The following BIN1 variants were observed in gnomAD, a reference collection of about 807,000 sequenced individuals.
The protein encoded by BIN1 is myc box-dependent-interacting protein 1.
A neutral mutation model predicts 82.0 loss-of-function variants in BIN1; 53 were observed. That is an observed-to-expected ratio of 0.65 (90% CI 0.52 to 0.81). BIN1 has a LOEUF of 0.81. Among genes scored for constraint, BIN1 ranks in the 40% least tolerant of loss-of-function variants. BIN1 has a pLI of 0.00. For synonymous variants in BIN1, 302 were observed against 328.0 expected (o/e 0.92, Z 0.86); for missense variants, 642 against 784.4 (o/e 0.82, Z 2.17).
At chr2:127,099,949 G>A (rs919612198) in intron 1 of BIN1, among the ~76,000 whole-genome samples, 7 of 151,124 alleles carry the variant, frequency 4.6e-5, no homozygotes, top group African/African-American at 1.2e-4. Flanking sequence ...GATTACAAGC[G>A]CCGCCACCAC....
rs141718708 is a variant in BIN1 at position 127,059,292 on chromosome 2, GTA to G, written c.858-139_858-138del. The G allele has an allele frequency of 4.5e-4, 266 of 593,394 alleles. No individual in the cohort carries two copies. Among genetic ancestry groups the G allele is most frequent in the Middle Eastern group, 3.0e-3 (8 of 2,676 alleles). 36.8% of individuals were successfully genotyped at this position (593,394 alleles called of 1,614,324 possible). A position where few individuals can be genotyped will look rare whatever the true frequency, so the allele number is the denominator to read the frequency against. ...AAACTGTGTGTGTGTGTGTGTGTGT[GTA>G]TGTGAGAGAGAGCAGGAGGGTGGGG... On this transcript the variant is annotated intron_variant, in intron 10 of 18. Coordinates refer to ENST00000316724, the MANE Select transcript of BIN1 (RefSeq NM_139343.3). The surrounding 1 kb of genome is among the most constrained non-coding windows in gnomAD (Gnocchi z 6.7).
At chr2:127,104,374 G>A (rs1680750665) in intron 1 of BIN1, among the ~76,000 whole-genome samples, 1 of 152,162 alleles carries the variant, frequency 6.6e-6, no homozygotes, top group Non-Finnish European at 1.5e-5. Flanking sequence ...CCCTACAAGA[G>A]TGCAGGCTGC....
At chr2:127,102,148 G>A (rs1294629895) in intron 1 of BIN1, among the ~76,000 whole-genome samples, 1 of 152,194 alleles carries the variant, frequency 6.6e-6, no homozygotes, top group Non-Finnish European at 1.5e-5. Flanking sequence ...GGGAAACCCA[G>A]AGCCTGTGCA....
chr2:127,055,591 T>A (rs1474563501), intron 12 of BIN1: 1 of 152,296 alleles, frequency 6.6e-6, no homozygotes, highest in Non-Finnish European at 1.5e-5. Context: ...GCGGCCAGCA[T>A]CTCTCCCCAG....
chr2:127,103,022 G>A (rs1051928505), intron 1 of BIN1, among the ~76,000 whole-genome samples: 13 of 152,326 alleles, frequency 8.5e-5, no homozygotes, highest in Admixed American at 4.6e-4. Context: ...TGTGGGTAGA[G>A]GGGGGCATCT....
intron 11 of BIN1, among the ~76,000 whole-genome samples, chr2:127,058,085 C>T (rs1217235412): frequency 2.0e-5 from 3 of 152,190 alleles, no homozygotes; most frequent in African/African-American, 7.2e-5. Context: ...GGGAGCCCAG[C>T]TCAGACGAGT....
At chr2:127,097,337 T>C (rs1032429967) in intron 1 of BIN1, among the ~76,000 whole-genome samples, 3 of 149,110 alleles carry the variant, frequency 2.0e-5, no homozygotes, top group Non-Finnish European at 3.0e-5. Flanking sequence ...CCCAGGAGCG[T>C]CACCCCTCCA....
intron 1 of BIN1, among the ~76,000 whole-genome samples, chr2:127,096,746 G>T (rs1486962564): frequency 6.6e-6 from 1 of 152,196 alleles, no homozygotes; most frequent in African/African-American, 2.4e-5. Context: ...ATGGATAGGA[G>T]GCCAAAGACC....
rs936787513 is a variant in BIN1 at position 127,091,273 on chromosome 2, G to A, written c.85-14567C>T. Among the ~76,000 whole-genome samples, 6 of 151,998 alleles carry A rather than the reference G, an allele frequency of 3.9e-5. No individual in the cohort carries two copies. The East Asian group carries it at 5.8e-4, about 15-fold the overall frequency. On this transcript the variant is annotated intron_variant, in intron 1 of 18. Coordinates refer to ENST00000316724, the MANE Select transcript of BIN1 (RefSeq NM_139343.3). Reference sequence around the variant, plus strand: ...AGGAGGCTGCCCTCACCCCAGCCCCGGGGCATTCTCAGGCCTTCCTCTACC... The same window carrying A: ...AGGAGGCTGCCCTCACCCCAGCCCCAGGGCATTCTCAGGCCTTCCTCTACC...
chr2:127,094,905 G>A (rs1283768662), intron 1 of BIN1, among the ~76,000 whole-genome samples: 2 of 152,140 alleles, frequency 1.3e-5, no homozygotes, highest in African/African-American at 4.8e-5. Flanking sequence ...CCCCTCAATT[G>A]GGGAGGTTGA....
chr2:127,084,893 G>C (rs1168672880), intron 1 of BIN1, among the ~76,000 whole-genome samples: 1 of 152,202 alleles, frequency 6.6e-6, no homozygotes, highest in Admixed American at 6.5e-5. Flanking sequence ...CAGCTTCCTG[G>C]TCTCATCCAG....
At position 127,070,075 on chromosome 2, in the gene BIN1, ACAG is replaced by A; in HGVS notation, c.328_330del (p.Leu110del). 1 of 1,614,008 alleles carries A rather than the reference ACAG, an allele frequency of 6.2e-7. No individual in the cohort carries two copies. The highest frequency in any genetic ancestry group is 8.5e-7 in the Non-Finnish European group (1 of 1,179,954). On this transcript the variant is annotated inframe_deletion, in exon 5 of 19. Coordinates refer to ENST00000316724, the MANE Select transcript of BIN1 (RefSeq NM_139343.3). ...ACCAGCTTCTGGTGGTAATCCATCC[ACAG>A]CAGGTCGTTGTTCTGAGACAGGCAA...
chr2:127,063,521 C>A, intron 9 of BIN1, 50 bp downstream of exon 9: 1 of 1,582,382 alleles, frequency 6.3e-7, no homozygotes, highest in South Asian at 1.1e-5. Context: ...CTGACTCTGA[C>A]CCTCGGCCAG....
intron 8 of BIN1, 112 bp from the exon 9 acceptor site, chr2:127,063,758 A>G: frequency 7.1e-7 from 1 of 1,414,458 alleles, no homozygotes; most frequent in Non-Finnish European, 9.8e-7. Flanking sequence ...CAAACCAGAG[A>G]GGGCCCAGGC....
chr2:127,071,431 G>A (rs962149622), intron 2 of BIN1, among the ~76,000 whole-genome samples: 2 of 152,206 alleles, frequency 1.3e-5, no homozygotes, highest in Admixed American at 1.3e-4. Flanking sequence ...TGACAGCAGG[G>A]ACATAGGATG....
chr2:127,076,292 C>T (rs1330731216), intron 2 of BIN1, among the ~76,000 whole-genome samples: 1 of 152,140 alleles, frequency 6.6e-6, no homozygotes, highest in Non-Finnish European at 1.5e-5. Flanking sequence ...TGGCAAGAAG[C>T]TTCTATAGCT....
chr2:127,050,990 G>A, intron 16 of BIN1, 78 bp from the exon 17 acceptor site: 1 of 1,527,234 alleles, frequency 6.5e-7, no homozygotes. Flanking sequence ...AAGAGGGGCG[G>A]GGAGGGGAGA....
chr2:127,050,797 C>T lies in BIN1; in HGVS notation c.1572+5G>A. On this transcript the variant is annotated splice_donor_5th_base_variant and intron_variant, in intron 17 of 18. Transcript: ENST00000316724. The stretch of plus-strand genomic sequence containing the variant: ...GACTGCAGCAGTCAGAGGCTGTGGG[C>T]TCACCTTGAACATGAAACCTGGGGG... 1 of 1,613,348 alleles carries T rather than the reference C, an allele frequency of 6.2e-7. No individual in the cohort carries two copies. The highest frequency in any genetic ancestry group is 8.5e-7 in the Non-Finnish European group (1 of 1,179,844).
chr2:127,058,192 G>A (rs960404521), intron 11 of BIN1, among the ~76,000 whole-genome samples: 3 of 152,212 alleles, frequency 2.0e-5, no homozygotes, highest in South Asian at 2.1e-4. Context: ...CACCCATGAC[G>A]CTGGGCTTCC....
Sources: gnomAD v4.1 joint callset for allele counts (sites outside exome capture counted in the v4.1 genomes callset) on GRCh38, gnomAD v4.1.1 for gene constraint, Gnocchi (gnomAD v3.1) non-coding constraint, MANE v1.5 for transcripts, NCBI Gene and HGNC (gene_info 2026-07-23, HGNC 2026-07-21) for gene names.